The following PUDP variants were observed in gnomAD, a reference collection of about 807,000 sequenced individuals.
The protein encoded by PUDP is pseudouridine 5'-phosphatase.
A neutral mutation model predicts 9.4 loss-of-function variants in PUDP; 8 were observed. The observed-to-expected ratio is 0.85, with a 90% CI of 0.50 to 1.53. The LOEUF (loss-of-function observed/expected upper bound fraction) is 1.53, where lower values mean the gene tolerates loss of function less well. Ranked by LOEUF, PUDP falls within the 40% of genes most tolerant of loss-of-function variation. The probability of loss-of-function intolerance (pLI) is 0.00; values close to 1 mark genes in which losing one functional copy is unlikely to be tolerated. For missense variants in PUDP, 188 were observed against 189.7 expected (o/e 0.99, Z 0.05); for synonymous variants, 99 against 80.7 (o/e 1.23, Z -1.22).
At chrX:6,810,669 G>C (rs1315034908) in intron 3 of PUDP, among the ~76,000 whole-genome samples, 2 of 112,028 alleles carry the variant, frequency 1.8e-5, no homozygotes, top group East Asian at 2.8e-4. Flanking sequence ...GGAAGTCAAT[G>C]ATAAGATTAG....
At chrX:6,942,005 T>C (rs2146777372) in intron 3 of PUDP, among the ~76,000 whole-genome samples, 1 of 111,527 alleles carries the variant, frequency 9.0e-6, no homozygotes, top group African/African-American at 3.3e-5. Flanking sequence ...AAACAAGGGC[T>C]ACACATGGGC....
intron 3 of PUDP, among the ~76,000 whole-genome samples, chrX:6,828,646 C>A (rs1467930553): frequency 9.9e-5 from 11 of 110,983 alleles, no homozygotes; most frequent in African/African-American, 3.6e-4. Context: ...TTGGATCCAC[C>A]ACTGGAGTAT....
intron 3 of PUDP, among the ~76,000 whole-genome samples, chrX:7,062,744 T>C (rs1055981986): frequency 9.1e-6 from 1 of 110,055 alleles, no homozygotes; most frequent in Non-Finnish European, 1.9e-5. Context: ...GCAGGGCAAC[T>C]GGGCATATCA....
chrX:6,877,677 T>C (rs780527769), intron 3 of PUDP, among the ~76,000 whole-genome samples: 1 of 111,817 alleles, frequency 8.9e-6, no homozygotes, highest in East Asian at 2.8e-4. Context: ...ATGTCTCTGA[T>C]AGGCAGGCAC....
intron 3 of PUDP, among the ~76,000 whole-genome samples, chrX:6,899,466 G>C (rs1002718956): frequency 3.6e-5 from 4 of 111,172 alleles, no homozygotes; most frequent in African/African-American, 1.3e-4. Flanking sequence ...CCAGCTACTC[G>C]GGAGGCTGAG....
intron 2 of PUDP, among the ~76,000 whole-genome samples, chrX:7,096,343 C>A (rs1473312842): frequency 9.0e-6 from 1 of 111,509 alleles, no homozygotes; most frequent in Non-Finnish European, 1.9e-5. Context: ...GTGAGCATAT[C>A]TCTGTGTGCC....
At chrX:7,007,444 C>T (rs1012699750) in intron 1 of PUDP, among the ~76,000 whole-genome samples, 1 of 112,525 alleles carries the variant, frequency 8.9e-6, no homozygotes, top group African/African-American at 3.2e-5. Flanking sequence ...CCAGTTATCA[C>T]AGTTAGGGTT....
intron 3 of PUDP, among the ~76,000 whole-genome samples, chrX:6,914,978 A>G (rs1297664263): frequency 2.7e-5 from 3 of 112,469 alleles, no homozygotes; most frequent in South Asian, 3.7e-4. Flanking sequence ...GATTCCATAA[A>G]GCATGTTGGT....
At chrX:6,972,127 G>C (rs1928886594) in intron 3 of PUDP, among the ~76,000 whole-genome samples, 1 of 111,990 alleles carries the variant, frequency 8.9e-6, no homozygotes, top group Non-Finnish European at 1.9e-5. Context: ...AGATGATGGG[G>C]TTTTCTAAAT....
intron 3 of PUDP, among the ~76,000 whole-genome samples, chrX:6,756,840 G>C (rs1925174069): frequency 9.0e-6 from 1 of 111,704 alleles, no homozygotes; most frequent in East Asian, 2.8e-4. Flanking sequence ...AAATAAACGA[G>C]AGAACAAATA....
intron 3 of PUDP, among the ~76,000 whole-genome samples, chrX:6,786,556 G>A (rs995376358): frequency 1.8e-5 from 2 of 112,432 alleles, no homozygotes; most frequent in East Asian, 2.8e-4. Context: ...TTGGTAACAC[G>A]TCTTAGCTCA....
intron 3 of PUDP, among the ~76,000 whole-genome samples, chrX:6,902,784 A>C (rs1927710175): frequency 1.8e-5 from 2 of 111,757 alleles, no homozygotes; most frequent in South Asian, 7.6e-4. Context: ...GGTTTGCTTC[A>C]GTGTTCGCTC....
intron 3 of PUDP, among the ~76,000 whole-genome samples, chrX:7,066,225 G>C (rs1311870586): frequency 9.0e-6 from 1 of 111,537 alleles, no homozygotes; most frequent in Non-Finnish European, 1.9e-5. Flanking sequence ...GAAATGCCCC[G>C]AGTAGGGTAG....
intron 1 of PUDP, among the ~76,000 whole-genome samples, chrX:6,995,157 G>A (rs1308042740): frequency 1.8e-5 from 2 of 109,973 alleles, no homozygotes; most frequent in African/African-American, 6.6e-5. Context: ...ATTTACATGT[G>A]GAACAAGAAC....
intron 3 of PUDP, among the ~76,000 whole-genome samples, chrX:6,734,172 A>G (rs1924847048): frequency 9.0e-6 from 1 of 111,462 alleles, no homozygotes; most frequent in African/African-American, 3.3e-5. Flanking sequence ...TCTCATTTCA[A>G]GAATGTTGCC....
chrX:6,873,604 A>C (rs1927208042), intron 3 of PUDP, among the ~76,000 whole-genome samples: 1 of 112,013 alleles, frequency 8.9e-6, no homozygotes, highest in Admixed American at 9.5e-5. Context: ...ATAATGTCAT[A>C]TCCTATGTAC....
chrX:6,716,433 T>C (rs1041666045), intron 1 of PUDP, among the ~76,000 whole-genome samples: 1 of 111,648 alleles, frequency 9.0e-6, no homozygotes, highest in Non-Finnish European at 1.9e-5. Flanking sequence ...TGGACCCTGA[T>C]AGTAAATGCA....
intron 3 of PUDP, among the ~76,000 whole-genome samples, chrX:6,778,079 G>A (rs374022849): frequency 3.8e-4 from 43 of 112,143 alleles, no homozygotes; most frequent in South Asian, 3.4e-3. Context: ...AGGCAGATAA[G>A]AGAAGCTGTT....
intron 3 of PUDP, among the ~76,000 whole-genome samples, chrX:6,855,329 A>G (rs1926888904): frequency 8.9e-6 from 1 of 112,270 alleles, no homozygotes; most frequent in Non-Finnish European, 1.9e-5. Flanking sequence ...TTATCTTATC[A>G]GTAAGGCTTC....
Sources: allele counts gnomAD v4.1 joint callset (sites outside exome capture counted in the v4.1 genomes callset), GRCh38; gene constraint gnomAD v4.1.1; transcripts MANE v1.5; gene names NCBI Gene and HGNC (gene_info 2026-07-23, HGNC 2026-07-21).